Variants in TIGAR observed in about 807,000 individuals in gnomAD.
TIGAR encodes the protein fructose-2,6-bisphosphatase TIGAR.
TIGAR carries 7 observed loss-of-function variants against 17.9 expected under a neutral mutation model. The ratio of observed to expected loss-of-function variants is 0.39; its 90% CI spans 0.22 to 0.73. The LOEUF (loss-of-function observed/expected upper bound fraction) is 0.73, where lower values mean the gene tolerates loss of function less well. TIGAR is among the 30% of genes least tolerant of loss of function. The pLI is 0.42. For missense variants in TIGAR, 258 were observed against 327.4 expected, an observed-to-expected ratio of 0.79 and a Z score of 1.64; for synonymous variants, 94 against 108.6, an observed-to-expected ratio of 0.87 and a Z score of 0.84.
Position 4,351,285 on chromosome 12 carries a change from G to T in TIGAR, c.289G>T (p.Gly97Cys). 1 of 1,614,144 alleles carries T rather than the reference G, an allele frequency of 6.2e-7. No individual in the cohort carries two copies. Among genetic ancestry groups the T allele is most frequent in the Non-Finnish European group, 8.5e-7 (1 of 1,179,996 alleles). Reference sequence around the variant, plus strand: ...GTTTCAGAAATACGGGGTTGTAGAAGGCAAAGCGCTAAGTGAGCTGAGGGC... The same window carrying T: ...GTTTCAGAAATACGGGGTTGTAGAATGCAAAGCGCTAAGTGAGCTGAGGGC... ...LRERKYGVVEGKALSELRAMA... is the reference protein window; with the variant it reads ...LRERKYGVVECKALSELRAMA... The change falls in exon 5 of 6, where the codon GGC (glycine) becomes TGC (cysteine). Residue 97 changes from glycine (G) to cysteine (C), a missense_variant. Gly to Cys is a radical substitution (Grantham distance 159). Coordinates refer to ENST00000179259, the MANE Select transcript of TIGAR (RefSeq NM_020375.3).
In TIGAR at chr12:4,352,621, T is replaced by G. The variant is rs750616269; in HGVS notation, c.743T>G (p.Val248Gly). The change falls in exon 6 of 6, where the codon GTT (valine) becomes GGT (glycine). Residue 248 changes from valine to glycine, a missense_variant. Val to Gly is a moderately radical substitution (Grantham distance 109). Transcript: ENST00000179259. ...FIINFEEGRE[V>G]KPTVQCICMN... ...ATAAACTTTGAGGAAGGAAGAGAAG[T>G]TAAACCAACGGTTCAGTGTATTTGT... is the stretch of plus-strand genomic sequence containing the variant. The G allele has an allele frequency of 6.2e-7, 1 of 1,609,994 alleles. No homozygotes were observed. The highest frequency in any genetic ancestry group is 8.5e-7 in the Non-Finnish European group (1 of 1,180,014).
intron 1 of TIGAR, among the ~76,000 whole-genome samples, chr12:4,326,312 A>G (rs1165406914): frequency 1.3e-5 from 2 of 152,232 alleles, no homozygotes; most frequent in Non-Finnish European, 2.9e-5. Context: ...GTTAAGGGAA[A>G]TAGATTAATA....
chr12:4,322,716 A>C (rs146472113), intron 1 of TIGAR, among the ~76,000 whole-genome samples: 1 of 152,366 alleles, frequency 6.6e-6, no homozygotes, highest in African/African-American at 2.4e-5. Flanking sequence ...TTTATAAGAA[A>C]GATAATCTTA....
At chr12:4,344,081 A>C (rs1399331813) in intron 3 of TIGAR, among the ~76,000 whole-genome samples, 5 of 152,232 alleles carry the variant, frequency 3.3e-5, no homozygotes, top group Non-Finnish European at 7.3e-5. Flanking sequence ...AACTACCATC[A>C]GAGAATACTA....
In TIGAR at chr12:4,356,087, A is replaced by C. The variant is rs1864897894; in HGVS notation, c.*3396A>C. 6.6e-6 allele frequency among the ~76,000 whole-genome samples: 1 copy of C among 152,230 alleles called. No individual in the cohort carries two copies. ...GTGATGTGATCAGACTTGTTTCAGC[A>C]GGACCATCCTGCTTGCAATGTGGAG... is the stretch of plus-strand genomic sequence containing the variant. On this transcript the variant is annotated 3_prime_UTR_variant, in exon 6 of 6. Transcript: ENST00000179259.
In TIGAR at chr12:4,321,859, G is replaced by A. The variant is rs1864481724; in HGVS notation, c.32+556G>A. Among the ~76,000 whole-genome samples the A allele has an allele frequency of 6.6e-6, 1 of 152,178 alleles. No homozygotes were observed. The highest frequency in any genetic ancestry group is 1.5e-5 in the Non-Finnish European group (1 of 68,036). ...AAAGAGGATCACAGCTCTGATCTCA[G>A]CAGACCGTATCATCCCAAATAAATG... On this transcript the variant is annotated intron_variant, in intron 1 of 5. Coordinates refer to ENST00000179259, the MANE Select transcript of TIGAR (RefSeq NM_020375.3). This position sits in a 1 kb window ranked among gnomAD's most constrained non-coding sequence, Gnocchi z 5.2.
chr12:4,329,817 G>A (rs1864585534), intron 1 of TIGAR, among the ~76,000 whole-genome samples: 1 of 151,988 alleles, frequency 6.6e-6, no homozygotes, highest in Admixed American at 6.6e-5. Flanking sequence ...GCATGTTGAG[G>A]GTATGCAATC....
At chr12:4,333,720 T>C (rs1282502618) in intron 2 of TIGAR, among the ~76,000 whole-genome samples, 1 of 152,168 alleles carries the variant, frequency 6.6e-6, no homozygotes, top group Non-Finnish European at 1.5e-5. Context: ...CACCTCGGCC[T>C]CCCAAAGTGC....
chr12:4,339,758 A>T (rs991274713), intron 3 of TIGAR, among the ~76,000 whole-genome samples: 2 of 152,258 alleles, frequency 1.3e-5, no homozygotes, highest in African/African-American at 4.8e-5. Context: ...AAGTGAATCA[A>T]TGTGATACAT....
intron 1 of TIGAR, chr12:4,324,383 G>A (rs1864513985): frequency 8.8e-7 from 1 of 1,130,116 alleles, no homozygotes; most frequent in Admixed American, 1.7e-5. Context: ...TACTTGAGGG[G>A]GATGAAGCGG....
At chr12:4,324,657 C>T in intron 1 of TIGAR, 3 of 1,242,786 alleles carry the variant, frequency 2.4e-6, no homozygotes, top group Non-Finnish European at 3.5e-6. Flanking sequence ...AGTTCTGTTT[C>T]CGCCGCAGGC....
chr12:4,333,051 C>T (rs989283319), intron 2 of TIGAR, among the ~76,000 whole-genome samples: 7 of 152,134 alleles, frequency 4.6e-5, no homozygotes, highest in Admixed American at 2.0e-4. Context: ...ATTACATCTT[C>T]TGAGTAAATT....
At chr12:4,322,129 TG>T (rs1864487859) in intron 1 of TIGAR, among the ~76,000 whole-genome samples, 1 of 152,180 alleles carries the variant, frequency 6.6e-6, no homozygotes, top group African/African-American at 2.4e-5. Flanking sequence ...CCCGAGTAGC[TG>T]GGATTACAGG....
At chr12:4,332,464 G>C (rs1002397469) in intron 2 of TIGAR, among the ~76,000 whole-genome samples, 21 of 152,176 alleles carry the variant, frequency 1.4e-4, no homozygotes, top group African/African-American at 3.6e-4. Flanking sequence ...GGCTGGTCTT[G>C]AACTCCTGAC....
intron 2 of TIGAR, among the ~76,000 whole-genome samples, chr12:4,336,245 C>A (rs1207238826): frequency 6.6e-6 from 1 of 152,134 alleles, no homozygotes. Context: ...CAGGAGCCCT[C>A]GCTCCCAAGA....
chr12:4,342,939 G>A (rs1364042796), intron 3 of TIGAR, among the ~76,000 whole-genome samples: 1 of 152,124 alleles, frequency 6.6e-6, no homozygotes, highest in East Asian at 1.9e-4. Flanking sequence ...GACACAGACT[G>A]GCAACTTGGA....
chr12:4,332,035 G>T (rs1284583652), intron 2 of TIGAR, among the ~76,000 whole-genome samples: 1 of 152,088 alleles, frequency 6.6e-6, no homozygotes, highest in South Asian at 2.1e-4. Flanking sequence ...GTTTTCAGAC[G>T]AAATATGCCC....
intron 1 of TIGAR, among the ~76,000 whole-genome samples, chr12:4,325,925 T>A (rs1488826703): frequency 6.6e-6 from 1 of 152,204 alleles, no homozygotes; most frequent in Non-Finnish European, 1.5e-5. Context: ...TTGTTCCTCC[T>A]TTGTAGCACG....
At chr12:4,324,387 G>C in intron 1 of TIGAR, 1 of 1,086,880 alleles carries the variant, frequency 9.2e-7, no homozygotes, top group South Asian at 1.2e-5. Flanking sequence ...TGAGGGGGAT[G>C]AAGCGGGAGG....
Sources: allele counts gnomAD v4.1 joint callset (sites outside exome capture counted in the v4.1 genomes callset), GRCh38; gene constraint gnomAD v4.1.1; non-coding constraint Gnocchi (gnomAD v3.1); transcripts MANE v1.5; gene names NCBI Gene and HGNC (gene_info 2026-07-23, HGNC 2026-07-21).